Variants in DCAF6 observed in about 807,000 individuals in gnomAD.
DCAF6 encodes DDB1- and CUL4-associated factor 6.
Under a neutral mutation model 125.1 loss-of-function variants are expected in DCAF6, and 54 were observed. The ratio of observed to expected loss-of-function variants is 0.43; its 90% CI spans 0.35 to 0.54. DCAF6 has a LOEUF of 0.54. DCAF6 is among the 20% of genes least tolerant of loss of function. The pLI is 0.01. For missense variants in DCAF6, 934 were observed against 1,161.7 expected, an observed-to-expected ratio of 0.80 and a Z score of 2.85; for synonymous variants, 371 against 390.4, an observed-to-expected ratio of 0.95 and a Z score of 0.58.
At chr1:167,891,403 T>A in the DCAF6 span, among the ~76,000 whole-genome samples, 1 of 151,164 alleles carries the variant, frequency 6.6e-6, no homozygotes, top group African/African-American at 2.4e-5. Flanking sequence ...ACATCTGTAA[T>A]CCCAGCACTT....
chr1:167,877,241 C>G, the DCAF6 span, among the ~76,000 whole-genome samples: 7 of 148,522 alleles, frequency 4.7e-5, no homozygotes, highest in African/African-American at 1.5e-4. Context: ...TAGTTTCTAT[C>G]TCGTATGGTC....
At chr1:167,869,649 C>A in the DCAF6 span, among the ~76,000 whole-genome samples, 1 of 152,086 alleles carries the variant, frequency 6.6e-6, no homozygotes, top group African/African-American at 2.4e-5. Flanking sequence ...ATTGTGAAAT[C>A]TCTCGTTCTG....
intron 17 of DCAF6, among the ~76,000 whole-genome samples, chr1:168,054,415 GAATT>G: frequency 6.6e-6 from 1 of 152,180 alleles, no homozygotes; most frequent in Middle Eastern, 3.4e-3. Flanking sequence ...ATCTATAAGT[GAATT>G]AATTCATTCT....
intron 12 of DCAF6, among the ~76,000 whole-genome samples, chr1:168,027,576 T>C (rs916997400): frequency 6.6e-6 from 1 of 152,160 alleles, no homozygotes; most frequent in African/African-American, 2.4e-5. Flanking sequence ...GTTTTATGTT[T>C]ATGTCACAAA....
At chr1:167,944,216 A>G (rs1186737004) in intron 1 of DCAF6, among the ~76,000 whole-genome samples, 1 of 152,194 alleles carries the variant, frequency 6.6e-6, no homozygotes, top group Non-Finnish European at 1.5e-5. Context: ...CTGTTCATCC[A>G]TTGATGGACA....
At chr1:168,035,993 C>T (rs143237035) in intron 12 of DCAF6, among the ~76,000 whole-genome samples, 1,779 of 152,078 alleles carry the variant, frequency 0.012, 42 homozygotes, top group African/African-American at 0.04. Context: ...ACCCGGGAGG[C>T]GGAGCTTGCA....
At chr1:168,022,345 T>C (rs1685769527) in intron 11 of DCAF6, among the ~76,000 whole-genome samples, 1 of 152,164 alleles carries the variant, frequency 6.6e-6, no homozygotes, top group African/African-American at 2.4e-5. Flanking sequence ...TTAAGTCTTC[T>C]CTGCCTCTCT....
chr1:168,063,988 TAGTTTATACAAGTAATCATTGCTTTTG>T (rs1691956217), intron 18 of DCAF6: 1 of 359,362 alleles, frequency 2.8e-6, no homozygotes, highest in African/African-American at 2.1e-5. Flanking sequence ...AAAAAATTTT[TAGTTTATACAAGTAATCATTGCTTTTG>T]TTTTTTTTTT....
intron 21 of DCAF6, among the ~76,000 whole-genome samples, chr1:168,072,294 TAAAAAAAAAA>T (rs59674650): frequency 8.8e-4 from 36 of 41,014 alleles, no homozygotes; most frequent in African/African-American, 2.1e-3. Flanking sequence ...AGAATCAGTC[TAAAAAAAAAA>T]AAAAAAAAAA....
At chr1:167,887,548 G>A in the DCAF6 span, among the ~76,000 whole-genome samples, 28 of 152,194 alleles carry the variant, frequency 1.8e-4, no homozygotes, top group African/African-American at 6.7e-4. Context: ...CCTGTCGTGG[G>A]CTGGGGGGAA....
chr1:167,908,461 A>G, the DCAF6 span, among the ~76,000 whole-genome samples: 1 of 152,170 alleles, frequency 6.6e-6, no homozygotes, highest in African/African-American at 2.4e-5. Flanking sequence ...AGACCCAATG[A>G]AAAAGTCCTG....
intron 2 of DCAF6, among the ~76,000 whole-genome samples, chr1:167,957,474 C>G (rs1674957625): frequency 6.6e-6 from 1 of 152,134 alleles, no homozygotes; most frequent in Non-Finnish European, 1.5e-5. Context: ...TCATTGTACA[C>G]ATATACCACA....
At chr1:167,930,114 C>T in the DCAF6 span, among the ~76,000 whole-genome samples, 24 of 152,132 alleles carry the variant, frequency 1.6e-4, no homozygotes, top group Non-Finnish European at 2.4e-4. Flanking sequence ...ACTAAGCTAC[C>T]ATTTTAGAGC....
At chr1:167,976,535 T>C (rs1390690573) in intron 4 of DCAF6, among the ~76,000 whole-genome samples, 1 of 152,216 alleles carries the variant, frequency 6.6e-6, no homozygotes, top group Non-Finnish European at 1.5e-5. Context: ...TTTTTGTCCA[T>C]TGTGTTTCTG....
chr1:168,033,389 C>T (rs898137286), intron 12 of DCAF6, among the ~76,000 whole-genome samples: 7 of 149,910 alleles, frequency 4.7e-5, no homozygotes, highest in African/African-American at 1.7e-4. Context: ...AATCTCGGCT[C>T]ACTGCAAGCT....
the DCAF6 span, chr1:167,901,988 C>T: frequency 1.9e-6 from 3 of 1,613,558 alleles, no homozygotes; most frequent in Admixed American, 3.3e-5. Flanking sequence ...TCCTTTCTTA[C>T]CCCTTCTATC....
At chr1:167,880,191 T>A in the DCAF6 span, 1 of 1,612,472 alleles carries the variant, frequency 6.2e-7, no homozygotes, top group Non-Finnish European at 8.5e-7. Flanking sequence ...TGGATACAGT[T>A]CTGGTGCAGG....
chr1:167,995,682 A>G (rs1367049744), intron 7 of DCAF6, among the ~76,000 whole-genome samples: 3 of 133,656 alleles, frequency 2.2e-5, no homozygotes, highest in Non-Finnish European at 3.1e-5. Flanking sequence ...TCAGTCTCAG[A>G]AAAAAAAAAA....
intron 15 of DCAF6, 69 bp downstream of exon 15, chr1:168,044,740 C>T (rs934005688): frequency 2.8e-6 from 4 of 1,450,128 alleles, no homozygotes; most frequent in Non-Finnish European, 3.8e-6. Context: ...GTTAATCTCT[C>T]TATAGTTAGA....
Sources: allele counts gnomAD v4.1 joint callset (sites outside exome capture counted in the v4.1 genomes callset), GRCh38; gene constraint gnomAD v4.1.1; transcripts MANE v1.5; gene names NCBI Gene and HGNC (gene_info 2026-07-23, HGNC 2026-07-21).